TESC: variants seen among roughly 807,000 people sequenced by gnomAD.
TESC encodes tescalcin.
Under a neutral mutation model 31.0 loss-of-function variants are expected in TESC, and 19 were observed. That is an observed-to-expected ratio of 0.61 (90% CI 0.43 to 0.90). The LOEUF is 0.90. Ranked by LOEUF, TESC falls within the 40% of genes least tolerant of loss-of-function variation. TESC has a pLI of 0.00. For synonymous variants in TESC, 109 were observed against 114.8 expected (o/e 0.95, Z 0.32); for missense variants, 248 against 303.8 (o/e 0.82, Z 1.36).
chr12:117,064,956 CATTCTAAG>C (rs1423886907), intron 2 of TESC, among the ~76,000 whole-genome samples: 15 of 152,220 alleles, frequency 9.9e-5, no homozygotes, highest in African/African-American at 3.6e-4. Flanking sequence ...AGGGGAAAAG[CATTCTAAG>C]AAGAAGGAAC....
At chr12:117,057,035 C>A in intron 2 of TESC, 149 bp from the exon 3 acceptor site, 1 of 736,752 alleles carries the variant, frequency 1.4e-6, no homozygotes. Flanking sequence ...AACTGGAATA[C>A]GCTTCACTTA....
At chr12:117,096,403 C>T (rs1379828706) in intron 1 of TESC, among the ~76,000 whole-genome samples, 1 of 152,176 alleles carries the variant, frequency 6.6e-6, no homozygotes, top group East Asian at 1.9e-4. Context: ...CCAAGCCGAT[C>T]GTCTCGCACG....
At chr12:117,049,654 A>G (rs1450413934) in intron 3 of TESC, among the ~76,000 whole-genome samples, 1 of 148,698 alleles carries the variant, frequency 6.7e-6, no homozygotes, top group Non-Finnish European at 1.5e-5. Flanking sequence ...TAATCCTAGC[A>G]CTCTGGGAGG....
In TESC at chr12:117,046,730, G is replaced by A. The variant is rs1394227700; in HGVS notation, c.411+47C>T. ...TCCATCAGGGTCGTGGGGGGCAGAG[G>A]GGGAAGGCACCAGGAGCCCCGGGCG... On this transcript the variant is annotated intron_variant, in intron 5 of 7. Transcript: ENST00000335209. 17 of 1,554,066 alleles carry A rather than the reference G, an allele frequency of 1.1e-5. No homozygotes were observed. The East Asian group carries it at 3.6e-4, about 33-fold the overall frequency.
intron 6 of TESC, among the ~76,000 whole-genome samples, chr12:117,045,455 A>G (rs1222228519): frequency 6.6e-6 from 1 of 152,250 alleles, no homozygotes; most frequent in African/African-American, 2.4e-5. Flanking sequence ...TTGGCCCGAC[A>G]ACCCGGCGGG....
At chr12:117,042,684 C>T (rs1954502441) in intron 6 of TESC, among the ~76,000 whole-genome samples, 1 of 152,218 alleles carries the variant, frequency 6.6e-6, no homozygotes, top group Non-Finnish European at 1.5e-5. Context: ...ACACCAGGTG[C>T]TCCTGCCCCT....
In TESC at chr12:117,049,297, C is replaced by A. The variant is rs1224612822; in HGVS notation, c.210-139G>T. 1.8e-5 allele frequency: 22 copies of A among 1,256,618 alleles called. 1 individual carries two copies. Among genetic ancestry groups the A allele is most frequent in the Non-Finnish European group, 7.7e-6 (7 of 907,158 alleles). 77.8% of individuals were successfully genotyped at this position (1,256,618 alleles called of 1,614,324 possible). A position where few individuals can be genotyped will look rare whatever the true frequency, so the allele number is the denominator to read the frequency against. ...GCTGCTCTCGCCTTGCGTCTGTGCCCCAAGAACCTGCTTCGTGGCGGGGCT... is the reference window on the plus strand; with the variant it reads ...GCTGCTCTCGCCTTGCGTCTGTGCCACAAGAACCTGCTTCGTGGCGGGGCT... On this transcript the variant is annotated intron_variant, in intron 3 of 7. Transcript: ENST00000335209.
chr12:117,092,351 C>T (rs182798828), intron 1 of TESC, among the ~76,000 whole-genome samples: 155 of 152,298 alleles, frequency 1.0e-3, no homozygotes, highest in African/African-American at 3.6e-3. Context: ...GATGATGGGG[C>T]CCAGGTGAAC....
At position 117,041,859 on chromosome 12, in the gene TESC, G is replaced by A. The variant is rs185162872; in HGVS notation, c.567+88C>T. ...CCCAGGAAGCCTGTCCCTTGCTACT[G>A]CAGGTAAAGAGCCATGTCCCCTCCT... On this transcript the variant is annotated intron_variant, in intron 7 of 7. Transcript: ENST00000335209. The A allele has an allele frequency of 9.2e-4, 1,236 of 1,344,128 alleles. 6 individuals carry two copies. The highest frequency in any genetic ancestry group is 8.8e-3 in the African/African-American group (595 of 67,874). The allele number at this position is 1,344,128 out of a possible 1,614,324, so 83.3% of individuals were successfully genotyped here. A position where few individuals can be genotyped will look rare whatever the true frequency, so the allele number is the denominator to read the frequency against.
At chr12:117,041,148 T>C (rs1954477860) in intron 7 of TESC, among the ~76,000 whole-genome samples, 1 of 152,070 alleles carries the variant, frequency 6.6e-6, no homozygotes, top group African/African-American at 2.4e-5. Flanking sequence ...CACCATCCAC[T>C]AGCAGAGGCT....
intron 2 of TESC, 27 bp from the exon 3 acceptor site, chr12:117,056,913 G>A: frequency 6.2e-7 from 1 of 1,611,240 alleles, no homozygotes; most frequent in Non-Finnish European, 8.5e-7. Context: ...AGAGATACCG[G>A]GAAGAGAATA....
chr12:117,075,887 A>ATATATATATATATATATGTGTG, intron 1 of TESC, among the ~76,000 whole-genome samples: 1 of 62,426 alleles, frequency 1.6e-5, no homozygotes, highest in South Asian at 4.5e-4. Flanking sequence ...ATATATATAT[A>ATATATATATATATATATGTGTG]TATATATATA....
At chr12:117,068,741 T>G (rs939857529) in intron 2 of TESC, among the ~76,000 whole-genome samples, 1 of 152,170 alleles carries the variant, frequency 6.6e-6, no homozygotes, top group African/African-American at 2.4e-5. Flanking sequence ...AATGGCTCGA[T>G]GAACCTAAAA....
chr12:117,080,392 C>T lies in TESC; in HGVS notation c.59-5052G>A, dbSNP rs183599829. ...CTGAGGCAGGAGAATCACTTGAACCCGGGAGGCAGAGGTTGCAGTGAGCCC... is the reference window on the plus strand; with the variant it reads ...CTGAGGCAGGAGAATCACTTGAACCTGGGAGGCAGAGGTTGCAGTGAGCCC... On this transcript the variant is annotated intron_variant, in intron 1 of 7. Coordinates refer to ENST00000335209, the MANE Select transcript of TESC (RefSeq NM_017899.4). Among the ~76,000 whole-genome samples the T allele has an allele frequency of 5.4e-3, 815 of 152,118 alleles. 6 individuals carry two copies. The highest frequency in any genetic ancestry group is 0.016 in the African/African-American group (670 of 41,470).
At chr12:117,099,008 A>G (rs1301825952) in intron 1 of TESC, among the ~76,000 whole-genome samples, 1 of 152,038 alleles carries the variant, frequency 6.6e-6, no homozygotes, top group South Asian at 2.1e-4. Flanking sequence ...GCCAGTCCGA[A>G]GCTGAGCGGC....
At chr12:117,093,895 A>G (rs1955352513) in intron 1 of TESC, among the ~76,000 whole-genome samples, 1 of 151,902 alleles carries the variant, frequency 6.6e-6, no homozygotes, top group South Asian at 2.1e-4. Flanking sequence ...CTTTCCCAGA[A>G]TCCTCTGTCT....
At chr12:117,059,372 G>A (rs1954771642) in intron 2 of TESC, among the ~76,000 whole-genome samples, 1 of 152,180 alleles carries the variant, frequency 6.6e-6, no homozygotes, top group Admixed American at 6.5e-5. Flanking sequence ...AGGCCTTTCA[G>A]CTGGGCTCAC....
intron 3 of TESC, among the ~76,000 whole-genome samples, chr12:117,049,443 G>A (rs764351941): frequency 2.6e-5 from 4 of 152,188 alleles, no homozygotes; most frequent in African/African-American, 7.2e-5. Flanking sequence ...AGAGGGATGC[G>A]TGGGTGTGTG....
intron 4 of TESC, among the ~76,000 whole-genome samples, 183 bp from the exon 5 acceptor site, chr12:117,047,021 T>C (rs905206317): frequency 6.6e-6 from 1 of 152,222 alleles, no homozygotes; most frequent in African/African-American, 2.4e-5. Context: ...CTTGGGCCCG[T>C]GACCTAACTT....
Sources: gnomAD v4.1 joint callset for allele counts (sites outside exome capture counted in the v4.1 genomes callset) on GRCh38, gnomAD v4.1.1 for gene constraint, MANE v1.5 for transcripts, NCBI Gene and HGNC (gene_info 2026-07-23, HGNC 2026-07-21) for gene names.